Variants in SPATA13 observed in about 807,000 individuals in gnomAD.
The protein encoded by SPATA13 is spermatogenesis associated 13, also known as spermatogenesis-associated protein 13.
A neutral mutation model predicts 104.0 loss-of-function variants in SPATA13; 50 were observed. That is an observed-to-expected ratio of 0.48 (90% CI 0.38 to 0.61). The LOEUF (loss-of-function observed/expected upper bound fraction) is 0.61, where lower values mean the gene tolerates loss of function less well. Ranked by LOEUF, SPATA13 falls within the 20% of genes least tolerant of loss-of-function variation. The pLI is 0.00. For missense variants in SPATA13, 1,524 were observed against 1,690.6 expected (o/e 0.90, Z 1.73); for synonymous variants, 606 against 667.5 (o/e 0.91, Z 1.42).
rs148815362 is a variant in SPATA13, at chr13:24,069,284, T to C, written c.-112+51583T>C. 2.9e-3 allele frequency among the ~76,000 whole-genome samples: 435 copies of C among 152,354 alleles called. 14 individuals are homozygous for C. In the East Asian group the frequency reaches 0.062, roughly 22 times the overall value. On this transcript the variant is annotated intron_variant, in intron 3 of 14. Coordinates refer to the SPATA13 transcript ENST00000424834. ...GAATGTTTTTCATTTGTTTGTGTCATCTCTGATTTATTTGAGTAGTGGTTT... is the reference window on the plus strand; with the variant it reads ...GAATGTTTTTCATTTGTTTGTGTCACCTCTGATTTATTTGAGTAGTGGTTT...
At chr13:24,127,070 T>C (rs1881241918) in intron 3 of SPATA13, among the ~76,000 whole-genome samples, 1 of 152,206 alleles carries the variant, frequency 6.6e-6, no homozygotes, top group South Asian at 2.1e-4. Flanking sequence ...TATTACCTCC[T>C]TAAAGCATTG....
chr13:24,055,176 G>A (rs1342828582), intron 3 of SPATA13, among the ~76,000 whole-genome samples: 2 of 152,224 alleles, frequency 1.3e-5, no homozygotes, highest in Non-Finnish European at 2.9e-5. Context: ...TACAAAGCAT[G>A]TGTCTTTGTG....
At chr13:24,185,898 T>C (rs574523279) in intron 1 of SPATA13, among the ~76,000 whole-genome samples, 7 of 152,080 alleles carry the variant, frequency 4.6e-5, no homozygotes, top group Non-Finnish European at 8.8e-5. Context: ...GGTAGGTCAG[T>C]AGGCTGGAGT....
chr13:24,116,808 C>A (rs1266813908), intron 3 of SPATA13, among the ~76,000 whole-genome samples: 1 of 148,210 alleles, frequency 6.7e-6, no homozygotes, highest in African/African-American at 2.5e-5. Flanking sequence ...GAGAAAGGGC[C>A]TTTGGGAGGT....
chr13:24,086,892 A>C (rs945687388), intron 3 of SPATA13, among the ~76,000 whole-genome samples: 1 of 152,148 alleles, frequency 6.6e-6, no homozygotes, highest in African/African-American at 2.4e-5. Flanking sequence ...AGGTCAGAGG[A>C]GCAGCCCAGG....
At chr13:24,254,891 T>G (rs1873706289) in intron 4 of SPATA13, among the ~76,000 whole-genome samples, 1 of 152,114 alleles carries the variant, frequency 6.6e-6, no homozygotes, top group South Asian at 2.1e-4. Flanking sequence ...GGCATCTAGC[T>G]GCACATTGGG....
chr13:24,131,566 A>G (rs7317204), intron 3 of SPATA13, among the ~76,000 whole-genome samples: 87,131 of 152,052 alleles, frequency 0.57, 25,253 homozygotes, highest in African/African-American at 0.63. Flanking sequence ...CTGAAATGTC[A>G]AGATTTACAA....
intron 1 of SPATA13, among the ~76,000 whole-genome samples, chr13:24,220,238 A>G (rs1871497129): frequency 6.6e-6 from 1 of 152,150 alleles, no homozygotes; most frequent in South Asian, 2.1e-4. Flanking sequence ...GACAGCACCA[A>G]GGTTAGGCCG....
At chr13:24,147,396 G>T (rs1457560077) in intron 3 of SPATA13, among the ~76,000 whole-genome samples, 1 of 152,202 alleles carries the variant, frequency 6.6e-6, no homozygotes, top group Non-Finnish European at 1.5e-5. Flanking sequence ...TCATGTGAAA[G>T]TTGTGCTGAT....
At chr13:24,122,186 G>A (rs1278370989) in intron 3 of SPATA13, 3 of 1,533,480 alleles carry the variant, frequency 2.0e-6, no homozygotes, top group African/African-American at 1.4e-5. Flanking sequence ...TCTTTGATCA[G>A]CCAGCATTGC....
chr13:24,105,349 G>T (rs1471628934), intron 3 of SPATA13, among the ~76,000 whole-genome samples: 1 of 151,910 alleles, frequency 6.6e-6, no homozygotes, highest in Admixed American at 6.6e-5. Flanking sequence ...GTGTTGTCCA[G>T]GCTGGTCTCA....
intron 3 of SPATA13, among the ~76,000 whole-genome samples, chr13:24,029,602 T>A (rs1877384870): frequency 6.6e-6 from 1 of 152,218 alleles, no homozygotes; most frequent in Non-Finnish European, 1.5e-5. Flanking sequence ...ATTTTTGGAA[T>A]CACAGCAAAT....
intron 4 of SPATA13, among the ~76,000 whole-genome samples, chr13:24,275,806 C>T (rs534476047): frequency 1.3e-5 from 2 of 152,288 alleles, no homozygotes; most frequent in South Asian, 4.1e-4. Context: ...TGATGGCACG[C>T]ACCTGTAATC....
intron 2 of SPATA13, among the ~76,000 whole-genome samples, chr13:24,227,061 A>C (rs2138619154): frequency 6.6e-6 from 1 of 152,296 alleles, no homozygotes; most frequent in East Asian, 1.9e-4. Flanking sequence ...AGACTTAGGA[A>C]GGAGTTCCAG....
intron 1 of SPATA13, among the ~76,000 whole-genome samples, chr13:24,162,198 C>G (rs1882528974): frequency 6.6e-6 from 1 of 152,198 alleles, no homozygotes; most frequent in African/African-American, 2.4e-5. Flanking sequence ...CTGCCTCCAC[C>G]CAGTTCTCCC....
chr13:24,063,145 T>G (rs1340291810), intron 3 of SPATA13, among the ~76,000 whole-genome samples: 1 of 152,046 alleles, frequency 6.6e-6, no homozygotes, highest in Admixed American at 6.5e-5. Flanking sequence ...GTGCTCACCA[T>G]GCACTGGCCC....
chr13:24,092,796 G>A (rs1172943119), intron 3 of SPATA13, among the ~76,000 whole-genome samples: 4 of 152,164 alleles, frequency 2.6e-5, no homozygotes, highest in African/African-American at 9.7e-5. Flanking sequence ...AGTCATATTT[G>A]GGCATCTGTA....
In SPATA13 at chr13:24,014,631, C is replaced by T. The variant is rs1566072694; in HGVS notation, c.-146-3036C>T. Among the ~76,000 whole-genome samples, 4 of 152,304 alleles carry T rather than the reference C, an allele frequency of 2.6e-5. No individual in the cohort carries two copies. In the South Asian group the frequency reaches 8.3e-4, roughly 32 times the overall value. ...CAGGTAAAGGCCTTCATCCTGTGGT[C>T]TGTTAGTTTGTAACAAAATAGTGTA... On this transcript the variant is annotated intron_variant, in intron 2 of 14. Coordinates refer to the SPATA13 transcript ENST00000424834.
chr13:24,301,529 C>T (rs991005709), intron 12 of SPATA13, among the ~76,000 whole-genome samples: 6 of 152,346 alleles, frequency 3.9e-5, no homozygotes, highest in East Asian at 1.9e-4. Context: ...ATATCTTCTG[C>T]GAGTCACTCG....
Sources: allele counts gnomAD v4.1 joint callset (sites outside exome capture counted in the v4.1 genomes callset), GRCh38; gene constraint gnomAD v4.1.1; transcripts MANE v1.5; gene names NCBI Gene and HGNC (gene_info 2026-07-23, HGNC 2026-07-21).